CD82: variants seen among roughly 807,000 people sequenced by gnomAD.
The protein encoded by CD82 is CD82 molecule.
In CD82, 36 loss-of-function variants were observed where a neutral mutation model predicts 37.4. The ratio of observed to expected loss-of-function variants is 0.96; its 90% CI spans 0.74 to 1.27. The LOEUF (loss-of-function observed/expected upper bound fraction) is 1.27, where lower values mean the gene tolerates loss of function less well. Among genes scored for constraint, CD82 ranks in the 50% most tolerant of loss-of-function variants. The probability of loss-of-function intolerance (pLI) is 0.00; values close to 1 mark genes in which losing one functional copy is unlikely to be tolerated. For synonymous variants in CD82, 158 were observed against 137.4 expected, an observed-to-expected ratio of 1.15 and a Z score of -1.05; for missense variants, 340 against 347.0, an observed-to-expected ratio of 0.98 and a Z score of 0.16.
chr11:44,615,820 G>A (rs185048838), intron 7 of CD82, among the ~76,000 whole-genome samples: 7 of 152,290 alleles, frequency 4.6e-5, no homozygotes, highest in Admixed American at 2.6e-4. Flanking sequence ...TACTGGTTTC[G>A]CCAGTATGTG....
intron 2 of CD82, among the ~76,000 whole-genome samples, chr11:44,588,228 TTTTTTG>T (rs199698810): frequency 1.7e-5 from 1 of 57,830 alleles, no homozygotes; most frequent in African/African-American, 5.9e-5. Context: ...TTGTTTTTTG[TTTTTTG>T]TTTTTTTTAG....
At chr11:44,593,880 G>A (rs6485550) in intron 2 of CD82, among the ~76,000 whole-genome samples, 51,244 of 151,728 alleles carry the variant, frequency 0.34, 9,018 homozygotes, top group Non-Finnish European at 0.38. Context: ...TGCAACATGT[G>A]AAACTATGAA....
rs1469596186 is a variant in CD82 at position 44,587,484 on chromosome 11, T to C, written c.-93T>C. On this transcript the variant is annotated 5_prime_UTR_variant, in exon 2 of 10. Transcript: ENST00000227155. ...GGGTCGTGTTTTTCAGAGTCCTCCCTGCTGCTGTGTGGACGACACGTGGGC... is the reference window on the plus strand; with the variant it reads ...GGGTCGTGTTTTTCAGAGTCCTCCCCGCTGCTGTGTGGACGACACGTGGGC... 4.4e-6 allele frequency: 2 copies of C among 456,242 alleles called. No homozygotes were observed. Among genetic ancestry groups the C allele is most frequent in the African/African-American group, 4.0e-5 (2 of 50,104 alleles). The allele number at this position is 456,242 out of a possible 1,614,324, so 28.3% of individuals were successfully genotyped here.
rs1695834724 is a variant in CD82 at position 44,619,399 on chromosome 11, C to T, written c.*273C>T. 1.6e-5 allele frequency: 8 copies of T among 489,534 alleles called. No homozygotes were observed. The highest frequency in any genetic ancestry group is 7.3e-5 in the East Asian group (2 of 27,508). 30.3% of individuals were successfully genotyped at this position (489,534 alleles called of 1,614,324 possible). ...AAAATGCTCCCCACAGCGTCCCTGG[C>T]GCAGGTGGGCTGGACTTCTACCTGC... is the stretch of plus-strand genomic sequence containing the variant. On this transcript the variant is annotated 3_prime_UTR_variant, in exon 10 of 10. Coordinates refer to ENST00000227155, the MANE Select transcript of CD82 (RefSeq NM_002231.4).
At chr11:44,574,093 G>A (rs1188409479) in intron 1 of CD82, among the ~76,000 whole-genome samples, 1 of 152,102 alleles carries the variant, frequency 6.6e-6, no homozygotes, top group Non-Finnish European at 1.5e-5. Flanking sequence ...AGCTCTGCTG[G>A]GGGGTCAGCA....
chr11:44,577,269 T>G (rs1200133602), intron 1 of CD82, among the ~76,000 whole-genome samples: 3 of 152,174 alleles, frequency 2.0e-5, no homozygotes, highest in Admixed American at 6.5e-5. Context: ...CTAAAATGTA[T>G]CATGCAGAAT....
intron 6 of CD82, among the ~76,000 whole-genome samples, chr11:44,614,507 T>G (rs899688036): frequency 7.9e-5 from 12 of 152,364 alleles, no homozygotes; most frequent in Middle Eastern, 3.4e-3. Flanking sequence ...CGGGGGACCC[T>G]GTAGTGAGCG....
At chr11:44,567,189 C>G (rs757835022) in intron 1 of CD82, among the ~76,000 whole-genome samples, 9 of 152,136 alleles carry the variant, frequency 5.9e-5, no homozygotes, top group Non-Finnish European at 1.2e-4. Context: ...CCATTGCACA[C>G]TTGGCTTGGG....
intron 6 of CD82, among the ~76,000 whole-genome samples, chr11:44,614,424 C>A (rs1853531135): frequency 6.6e-6 from 1 of 152,162 alleles, no homozygotes; most frequent in South Asian, 2.1e-4. Flanking sequence ...CCTGGCAGAC[C>A]ATGGTGGTTA....
At chr11:44,612,430 C>G (rs748849516) in intron 6 of CD82, among the ~76,000 whole-genome samples, 1 of 152,004 alleles carries the variant, frequency 6.6e-6, no homozygotes, top group Non-Finnish European at 1.5e-5. Context: ...GTGCTTACCA[C>G]AGCACCAGGT....
At chr11:44,566,568 G>C (rs1852739111) in intron 1 of CD82, among the ~76,000 whole-genome samples, 1 of 152,166 alleles carries the variant, frequency 6.6e-6, no homozygotes, top group Non-Finnish European at 1.5e-5. Context: ...CAAGGCTTGG[G>C]CTTTGGGATC....
chr11:44,608,747 G>A (rs1177000496), intron 6 of CD82, among the ~76,000 whole-genome samples: 1 of 152,254 alleles, frequency 6.6e-6, no homozygotes, highest in East Asian at 1.9e-4. Context: ...CCCCATTCGG[G>A]TGTCCCTAGG....
chr11:44,574,939 T>C (rs1852868513), intron 1 of CD82, among the ~76,000 whole-genome samples: 1 of 152,250 alleles, frequency 6.6e-6, no homozygotes, highest in Non-Finnish European at 1.5e-5. Context: ...GTATCCACAT[T>C]GCTATAATGA....
intron 6 of CD82, among the ~76,000 whole-genome samples, chr11:44,608,663 A>C (rs781194987): frequency 4.6e-5 from 7 of 152,242 alleles, no homozygotes; most frequent in Non-Finnish European, 8.8e-5. Flanking sequence ...TAAAAACCAA[A>C]AGTAGCATTT....
At chr11:44,574,178 G>A (rs958218813) in intron 1 of CD82, among the ~76,000 whole-genome samples, 2 of 152,158 alleles carry the variant, frequency 1.3e-5, no homozygotes, top group African/African-American at 4.8e-5. Context: ...TCTTGGCATA[G>A]AGTTGAGGGC....
intron 6 of CD82, among the ~76,000 whole-genome samples, chr11:44,614,468 C>A (rs558077472): frequency 1.3e-5 from 2 of 152,378 alleles, no homozygotes; most frequent in East Asian, 3.9e-4. Flanking sequence ...CCCCACACAA[C>A]TATTCTGTGC....
Position 44,619,192 on chromosome 11 carries a change from T to TC in CD82, c.*69dup. The TC allele has an allele frequency of 3.9e-6, 5 of 1,276,710 alleles. No homozygotes were observed. Among genetic ancestry groups the TC allele is most frequent in the Non-Finnish European group, 5.7e-6 (5 of 872,648 alleles). The allele number at this position is 1,276,710 out of a possible 1,614,324, so 79.1% of individuals were successfully genotyped here. ...CAGGGCTCCCAGGGGTCTCCCTGGC[T>TC]CCCTCCTCCAGGCCTGCCTCCCACT... is the stretch of plus-strand genomic sequence containing the variant. On this transcript the variant is annotated 3_prime_UTR_variant, in exon 10 of 10. Coordinates refer to ENST00000227155, the MANE Select transcript of CD82 (RefSeq NM_002231.4).
At chr11:44,569,971 A>G (rs1307159945) in intron 1 of CD82, among the ~76,000 whole-genome samples, 1 of 152,200 alleles carries the variant, frequency 6.6e-6, no homozygotes, top group East Asian at 1.9e-4. Flanking sequence ...GCACATAGTA[A>G]ATGCTCAATA....
At chr11:44,579,240 A>G (rs1560298) in intron 1 of CD82, among the ~76,000 whole-genome samples, 84,662 of 149,428 alleles carry the variant, frequency 0.57, 24,849 homozygotes, top group African/African-American at 0.68. Context: ...TGGGAGGTAG[A>G]GAGGGGGCAG....
Sources: gnomAD v4.1 joint callset for allele counts (sites outside exome capture counted in the v4.1 genomes callset) on GRCh38, gnomAD v4.1.1 for gene constraint, MANE v1.5 for transcripts, NCBI Gene and HGNC (gene_info 2026-07-23, HGNC 2026-07-21) for gene names.